COL17A1: variants seen among roughly 807,000 people sequenced by gnomAD.
COL17A1 encodes collagen alpha-1(XVII) chain.
Under a neutral mutation model 218.4 loss-of-function variants are expected in COL17A1, and 181 were observed. The ratio of observed to expected loss-of-function variants is 0.83; its 90% CI spans 0.73 to 0.94. COL17A1 has a LOEUF of 0.94. Ranked by LOEUF, COL17A1 falls within the 40% of genes least tolerant of loss-of-function variation. The pLI, the probability that COL17A1 is intolerant of heterozygous loss-of-function variation, is 0.00. For synonymous variants in COL17A1, 721 were observed against 731.0 expected, an observed-to-expected ratio of 0.99 and a Z score of 0.22; for missense variants, 1,924 against 1,945.9, an observed-to-expected ratio of 0.99 and a Z score of 0.21.
Position 104,032,150 on chromosome 10 carries a change from C to A in COL17A1, c.*85G>T, listed in dbSNP as rs1844692612. 1 of 1,089,580 alleles carries A rather than the reference C, an allele frequency of 9.2e-7. No homozygotes were observed. The highest frequency in any genetic ancestry group is 1.4e-6 in the Non-Finnish European group (1 of 707,856). 67.5% of individuals were successfully genotyped at this position (1,089,580 alleles called of 1,614,324 possible). On this transcript the variant is annotated 3_prime_UTR_variant, in exon 56 of 56. Coordinates refer to ENST00000648076, the MANE Select transcript of COL17A1 (RefSeq NM_000494.4). The stretch of plus-strand genomic sequence containing the variant: ...TGTCTCAGTAGGACATTGACAGACT[C>A]CAGCTTTCACCCTCTGGAGACCTTG...
Position 104,072,926 on chromosome 10 carries a change from A to G in COL17A1, c.415+284T>C, listed in dbSNP as rs1285134414. 3.3e-5 allele frequency among the ~76,000 whole-genome samples: 5 copies of G among 152,212 alleles called. No homozygotes were observed. The East Asian group carries it at 9.6e-4, about 29-fold the overall frequency. ...AAGTGAAAGCAGATGTGGTATCTGCATCTTCAGATGATCCACAGCAAGACA... is the reference window on the plus strand; with the variant it reads ...AAGTGAAAGCAGATGTGGTATCTGCGTCTTCAGATGATCCACAGCAAGACA... On this transcript the variant is annotated intron_variant, in intron 7 of 55. Coordinates refer to ENST00000648076, the MANE Select transcript of COL17A1 (RefSeq NM_000494.4).
rs191121575 is a variant in COL17A1, at chr10:104,039,497, G to T, written c.2844C>A (p.Asn948Lys). The T allele has an allele frequency of 1.2e-6, 2 of 1,614,162 alleles. No individual in the cohort carries two copies. The highest frequency in any genetic ancestry group is 2.7e-5 in the African/African-American group (2 of 75,028). ...STSGSSSFGL[N>K]LQGPPGPPGP... ...CAGGTGGGCCTGGTGGTCCCTGAAG[G>T]TTGAGTCCGAAAGAACTGGACCCTG... is the stretch of plus-strand genomic sequence containing the variant. The change falls in exon 43 of 56, where the codon AAC becomes AAA. Residue 948 changes from asparagine (N) to lysine (K), a missense_variant. Coordinates refer to ENST00000648076, the MANE Select transcript of COL17A1 (RefSeq NM_000494.4).
At chr10:104,050,999 T>G (rs1224434334) in intron 25 of COL17A1, 98 bp from the exon 26 acceptor site, 1 of 1,578,958 alleles carries the variant, frequency 6.3e-7, no homozygotes, top group Non-Finnish European at 8.6e-7. Context: ...GGCACACATA[T>G]GCACACACCC....
rs2995266 is a variant in COL17A1, at chr10:104,035,780, G to C, written c.3419-217C>G. Among the ~76,000 whole-genome samples the C allele has an allele frequency of 0.69, 103,749 of 150,588 alleles. 37,496 individuals are homozygous for C. The highest frequency in any genetic ancestry group is 0.84 in the East Asian group (4,296 of 5,122). On this transcript the variant is annotated intron_variant, in intron 48 of 55. Coordinates refer to ENST00000648076, the MANE Select transcript of COL17A1 (RefSeq NM_000494.4). ...CCAGTGTGCCTGTGTGCTTCATTCT[G>C]TGTGTGTGTGTGTATGAGTATGTGT... is the stretch of plus-strand genomic sequence containing the variant.
In COL17A1 at chr10:104,046,748, C is replaced by G. The variant is rs73329731; in HGVS notation, c.2361G>C (p.Gln787His). 5.2e-4 allele frequency: 842 copies of G among 1,613,946 alleles called. 3 individuals carry two copies. In the African/African-American group the frequency reaches 7.6e-3, roughly 15 times the overall value. Residue 787 changes from glutamine to histidine, a missense_variant and splice_region_variant, in exon 32 of 56, where the codon CAG (glutamine) becomes CAC (histidine). Transcript: ENST00000648076. Reference protein sequence around the residue: ...KPGLTGPQGPQGLPGTPGRPG... With the variant: ...KPGLTGPQGPHGLPGTPGRPG... ...GGTGGGAATGATCCAGCGACTCACC[C>G]TGAGGTCCCTGGGGTCCTGTGAGAC...
At chr10:104,083,365 A>C (rs1479918317) in intron 1 of COL17A1, among the ~76,000 whole-genome samples, 1 of 152,166 alleles carries the variant, frequency 6.6e-6, no homozygotes, top group African/African-American at 2.4e-5. Flanking sequence ...AAATAACATA[A>C]TTTTTAACTT....
chr10:104,035,150 C>T (rs2086263167), intron 50 of COL17A1, 113 bp downstream of exon 50: 3 of 934,008 alleles, frequency 3.2e-6, no homozygotes, highest in Non-Finnish European at 3.4e-6. Flanking sequence ...GGCCCTGCAC[C>T]CAGCACTGTA....
intron 16 of COL17A1, 124 bp from the exon 17 acceptor site, chr10:104,057,296 G>A: frequency 6.8e-7 from 1 of 1,474,682 alleles, no homozygotes; most frequent in African/African-American, 1.4e-5. Flanking sequence ...AAGTTCCTGT[G>A]CTGTTCCACC....
chr10:104,084,320 T>C (rs959355713), intron 1 of COL17A1, among the ~76,000 whole-genome samples: 5 of 151,978 alleles, frequency 3.3e-5, no homozygotes, highest in Middle Eastern at 3.2e-3. Flanking sequence ...CTATTTTTTT[T>C]TTTTTTTGAG....
intron 25 of COL17A1, 121 bp from the exon 26 acceptor site, chr10:104,051,022 C>G: frequency 1.3e-6 from 2 of 1,530,258 alleles, no homozygotes; most frequent in South Asian, 2.3e-5. Flanking sequence ...TAGTAAAAGT[C>G]AAAGGATGCT....
At chr10:104,035,613 C>A (rs1402592665) in intron 48 of COL17A1, 50 bp from the exon 49 acceptor site, 2 of 1,448,604 alleles carry the variant, frequency 1.4e-6, no homozygotes, top group Middle Eastern at 1.9e-4. Context: ...GATGGAAACA[C>A]CTGTCAGAGA....
At chr10:104,060,409 G>T (rs1457493039) in intron 13 of COL17A1, 129 bp from the exon 14 acceptor site, 11 of 1,356,376 alleles carry the variant, frequency 8.1e-6, no homozygotes, top group Non-Finnish European at 9.1e-6. Flanking sequence ...GTGTATGAGG[G>T]TCTCTTGTTC....
rs201667702 is a variant in COL17A1, at chr10:104,035,357, G to A, written c.3525C>T (p.Gly1175=). 68 of 1,614,194 alleles carry A rather than the reference G, an allele frequency of 4.2e-5. No homozygotes were observed. The highest frequency in any genetic ancestry group is 4.0e-4 in the South Asian group (36 of 91,086). Residue 1175 remains glycine (G), a synonymous_variant, in exon 50 of 56, where the codon GGC becomes GGT. Transcript: ENST00000648076. ...LSLLRGSEFR[G]IVGPPGPPGP... ...CCGGGGGACCTGGGGGTCCAACGAT[G>A]CCTCTGAATTCAGACCCTGAGACAC... is the stretch of plus-strand genomic sequence containing the variant.
At chr10:104,052,938 G>C in intron 23 of COL17A1, 93 bp downstream of exon 23, 1 of 1,453,672 alleles carries the variant, frequency 6.9e-7, no homozygotes, top group Non-Finnish European at 9.6e-7. Context: ...GAAGGGGGGA[G>C]AAACAGAGAC....
chr10:104,063,775 C>A lies in COL17A1; in HGVS notation c.810G>T (p.Leu270Phe). 4 of 1,614,106 alleles carry A rather than the reference C, an allele frequency of 2.5e-6. No homozygotes were observed. In the South Asian group the frequency reaches 4.4e-5, roughly 18 times the overall value. The change falls in exon 11 of 56, where the codon TTG becomes TTT. Residue 270 changes from leucine to phenylalanine, a missense_variant. Physicochemically the swap from Leu to Phe is conservative, Grantham distance 22. Coordinates refer to ENST00000648076, the MANE Select transcript of COL17A1 (RefSeq NM_000494.4). ...PNNMASCSPT[L>F]HPGLSTSSSV... ...AGGAGGATGTGCTGAGTCCAGGGTG[C>A]AAAGTGGGTGAGCAGGACGCCATGT...
chr10:104,082,003 C>T (rs1417688385), intron 1 of COL17A1, among the ~76,000 whole-genome samples: 1 of 152,212 alleles, frequency 6.6e-6, no homozygotes, highest in Non-Finnish European at 1.5e-5. Context: ...CTCTGGGTGA[C>T]TTCCCTGATG....
chr10:104,051,434 C>A (rs747804464), intron 25 of COL17A1, 47 bp downstream of exon 25: 2 of 1,611,590 alleles, frequency 1.2e-6, no homozygotes, highest in Non-Finnish European at 1.7e-6. Context: ...AACATTGCCA[C>A]CTTTGCCCTG....
chr10:104,080,254 C>G (rs1194518138), intron 2 of COL17A1, among the ~76,000 whole-genome samples: 1 of 152,176 alleles, frequency 6.6e-6, no homozygotes, highest in Non-Finnish European at 1.5e-5. Flanking sequence ...GCGTAGAGGT[C>G]AACTATGATA....
intron 33 of COL17A1, among the ~76,000 whole-genome samples, 190 bp from the exon 34 acceptor site, chr10:104,044,050 C>T (rs558004146): frequency 6.6e-6 from 1 of 152,330 alleles, no homozygotes; most frequent in Admixed American, 6.5e-5. Flanking sequence ...AGCCAGAGTC[C>T]CTGGAGGCCA....
Sources: gnomAD v4.1 joint callset for allele counts (sites outside exome capture counted in the v4.1 genomes callset) on GRCh38, gnomAD v4.1.1 for gene constraint, MANE v1.5 for transcripts, NCBI Gene and HGNC (gene_info 2026-07-23, HGNC 2026-07-21) for gene names.